The following SHTN1 variants were observed in gnomAD, a reference collection of about 807,000 sequenced individuals.
The protein encoded by SHTN1 is shootin 1.
Under a neutral mutation model 83.1 loss-of-function variants are expected in SHTN1, and 42 were observed. The observed-to-expected ratio is 0.51, with a 90% CI of 0.39 to 0.65. The LOEUF is 0.65. Ranked by LOEUF, SHTN1 falls within the 30% of genes least tolerant of loss-of-function variation. The pLI is 0.00. For synonymous variants in SHTN1, 224 were observed against 247.7 expected (o/e 0.90, Z 0.90); for missense variants, 622 against 737.8 (o/e 0.84, Z 1.82).
chr10:116,909,976 T>C (rs1848125789), intron 14 of SHTN1, among the ~76,000 whole-genome samples: 1 of 152,112 alleles, frequency 6.6e-6, no homozygotes, highest in Non-Finnish European at 1.5e-5. Flanking sequence ...CATGCCATGA[T>C]TGTGAGGTTG....
chr10:117,053,028 A>AAAAAAAAAAAAAAAAAAAAAAAAAGAAAG (rs1852772364), intron 1 of SHTN1, among the ~76,000 whole-genome samples: 1 of 145,350 alleles, frequency 6.9e-6, no homozygotes. Context: ...TCAAAAAAAA[A>AAAAAAAAAAAAAAAAAAAAAAAAAGAAAG]AAGAATTAAG....
At chr10:117,124,183 G>A (rs1353783707) in intron 1 of SHTN1, among the ~76,000 whole-genome samples, 1 of 150,526 alleles carries the variant, frequency 6.6e-6, no homozygotes. Flanking sequence ...CTGCACTCCA[G>A]CCTGGGTGAC....
chr10:117,098,960 A>G (rs1853547036), intron 1 of SHTN1, among the ~76,000 whole-genome samples: 1 of 151,140 alleles, frequency 6.6e-6, no homozygotes, highest in Non-Finnish European at 1.5e-5. Flanking sequence ...GGAAAAATTC[A>G]TAGCATAAAT....
chr10:116,943,616 CATA>C (rs2133403087), intron 8 of SHTN1, among the ~76,000 whole-genome samples: 1 of 152,236 alleles, frequency 6.6e-6, no homozygotes, highest in East Asian at 1.9e-4. Flanking sequence ...TAAAACGAAT[CATA>C]ATATTTCAAA....
At chr10:117,039,573 G>A (rs530374518) in intron 2 of SHTN1, among the ~76,000 whole-genome samples, 4 of 152,082 alleles carry the variant, frequency 2.6e-5, no homozygotes, top group South Asian at 2.1e-4. Flanking sequence ...GGGGAATCTC[G>A]GCCGGGCGCA....
intron 2 of SHTN1, among the ~76,000 whole-genome samples, chr10:117,023,080 T>C (rs1852286041): frequency 6.6e-6 from 1 of 152,240 alleles, no homozygotes; most frequent in South Asian, 2.1e-4. Flanking sequence ...TAAAAGCTCA[T>C]GCTACCCCAA....
chr10:116,959,668 G>A (rs976604370), intron 4 of SHTN1, among the ~76,000 whole-genome samples: 3 of 152,152 alleles, frequency 2.0e-5, no homozygotes, highest in Non-Finnish European at 4.4e-5. Context: ...AACACTGGAG[G>A]TCACCTTCAG....
At chr10:116,987,928 A>C (rs1851280585) in intron 1 of SHTN1, among the ~76,000 whole-genome samples, 1 of 145,436 alleles carries the variant, frequency 6.9e-6, no homozygotes, top group Non-Finnish European at 1.5e-5. Context: ...ACAAACAAAC[A>C]AAAAAAAAAA....
chr10:116,925,005 C>T (rs1346383886), intron 11 of SHTN1, among the ~76,000 whole-genome samples: 1 of 152,152 alleles, frequency 6.6e-6, no homozygotes, highest in Non-Finnish European at 1.5e-5. Context: ...ATCCGCCCGC[C>T]TCGGCCTCCC....
intron 1 of SHTN1, among the ~76,000 whole-genome samples, chr10:117,053,024 A>AAAAAAAAAAAAAAAAGAAAAAAAAAAAG (rs1554934278): frequency 1.9e-5 from 1 of 51,282 alleles, no homozygotes; most frequent in Non-Finnish European, 5.7e-5. Context: ...TGTCTCAAAA[A>AAAAAAAAAAAAAAAAGAAAAAAAAAAAG]AAAAAAGAAT....
At chr10:117,124,122 G>C (rs1205515848) in intron 1 of SHTN1, among the ~76,000 whole-genome samples, 1 of 151,208 alleles carries the variant, frequency 6.6e-6, no homozygotes, top group African/African-American at 2.4e-5. Flanking sequence ...GAGGTGGGAG[G>C]GTCCCTTGAG....
chr10:116,988,016 T>C (rs1480851205), intron 1 of SHTN1, among the ~76,000 whole-genome samples: 1 of 152,148 alleles, frequency 6.6e-6, no homozygotes, highest in Admixed American at 6.5e-5. Context: ...AGTGGTACTA[T>C]TCTGTACTAT....
intron 13 of SHTN1, among the ~76,000 whole-genome samples, chr10:116,913,145 A>G (rs559157271): frequency 6.6e-6 from 1 of 152,362 alleles, no homozygotes; most frequent in South Asian, 2.1e-4. Flanking sequence ...TCTGCAGGTC[A>G]ACCCTTCAGG....
intron 16 of SHTN1, among the ~76,000 whole-genome samples, chr10:116,888,208 C>A (rs1847222993): frequency 6.6e-6 from 1 of 152,186 alleles, no homozygotes; most frequent in Admixed American, 6.5e-5. Context: ...GGCACCATGA[C>A]ATTGTCCATC....
chr10:117,083,451 C>A (rs1225117803), intron 1 of SHTN1, among the ~76,000 whole-genome samples: 9 of 151,466 alleles, frequency 5.9e-5, no homozygotes, highest in Non-Finnish European at 1.2e-4. Context: ...CGACCTTTCT[C>A]TCTGGCTGCC....
chr10:116,941,901 C>T (rs534567121), intron 8 of SHTN1, among the ~76,000 whole-genome samples: 58 of 152,288 alleles, frequency 3.8e-4, no homozygotes, highest in African/African-American at 1.3e-3. Context: ...CCTTCTTTGC[C>T]TAGGGATTTA....
At chr10:117,017,602 T>G (rs1161795133) in intron 2 of SHTN1, among the ~76,000 whole-genome samples, 3 of 151,514 alleles carry the variant, frequency 2.0e-5, no homozygotes, top group Middle Eastern at 3.4e-3. Context: ...AAGTAGAAAA[T>G]TAATGAGGAA....
chr10:116,906,557 T>C lies in SHTN1; in HGVS notation c.1480+70A>G, dbSNP rs993133311. 3 of 1,462,602 alleles carry C rather than the reference T, an allele frequency of 2.1e-6. No individual in the cohort carries two copies. The Admixed American group carries it at 7.1e-5, about 34-fold the overall frequency. The allele number at this position is 1,462,602 out of a possible 1,614,324, so 90.6% of individuals were successfully genotyped here. Reference sequence around the variant, plus strand: ...ATACTTTTTAAAAGATTGTTTCATGTAAAAAGAGACTTAGAAGAAGATGTT... The same window carrying C: ...ATACTTTTTAAAAGATTGTTTCATGCAAAAAGAGACTTAGAAGAAGATGTT... On this transcript the variant is annotated intron_variant, in intron 15 of 16. Coordinates refer to ENST00000355371, the MANE Select transcript of SHTN1 (RefSeq NM_001127211.3).
At chr10:117,072,961 A>T (rs778102860) in intron 1 of SHTN1, among the ~76,000 whole-genome samples, 4 of 152,218 alleles carry the variant, frequency 2.6e-5, no homozygotes, top group Admixed American at 6.5e-5. Flanking sequence ...AATCCAAAAA[A>T]TGATACAAGA....
Sources: gnomAD v4.1 joint callset for allele counts (sites outside exome capture counted in the v4.1 genomes callset) on GRCh38, gnomAD v4.1.1 for gene constraint, MANE v1.5 for transcripts, NCBI Gene and HGNC (gene_info 2026-07-23, HGNC 2026-07-21) for gene names.